The following RFTN1 variants were observed in gnomAD, a reference collection of about 807,000 sequenced individuals.
The protein encoded by RFTN1 is raftlin, lipid raft linker 1, also known as raftlin.
A neutral mutation model predicts 46.5 loss-of-function variants in RFTN1; 26 were observed. The observed-to-expected ratio is 0.56, with a 90% confidence interval of 0.41 to 0.78. RFTN1 has a LOEUF of 0.78. RFTN1 is among the 30% of genes least tolerant of loss of function. The pLI is 0.00. For missense variants in RFTN1, 693 were observed against 718.7 expected, an observed-to-expected ratio of 0.96 and a Z score of 0.41; for synonymous variants, 261 against 284.2, an observed-to-expected ratio of 0.92 and a Z score of 0.82.
intron 3 of RFTN1, among the ~76,000 whole-genome samples, chr3:16,423,167 CAA>C (rs78850876): frequency 1.5e-5 from 2 of 136,176 alleles, no homozygotes; most frequent in African/African-American, 2.7e-5. Context: ...GACTCTGTCT[CAA>C]AAAAAAAAAA....
intron 7 of RFTN1, among the ~76,000 whole-genome samples, chr3:16,330,140 AC>A (rs2070164368): frequency 6.6e-6 from 1 of 152,170 alleles, no homozygotes; most frequent in African/African-American, 2.4e-5. Flanking sequence ...ACACAACAAA[AC>A]AACCCTGCTT....
chr3:16,430,071 T>G (rs1256121528), intron 3 of RFTN1, among the ~76,000 whole-genome samples: 2 of 152,224 alleles, frequency 1.3e-5, no homozygotes, highest in African/African-American at 4.8e-5. Context: ...TTGTTTTTAC[T>G]ACTTAAACTC....
At position 16,351,790 on chromosome 3, in the gene RFTN1, A is replaced by T. The variant is rs999323855; in HGVS notation, c.1146+6142T>A. ...GTTGTTTCTCAAAAAACTAAGTTGA[A>T]TTCCTTGAATAGACTCAGCAAAGAA... On this transcript the variant is annotated intron_variant, in intron 7 of 9. Transcript: ENST00000334133. The surrounding 1 kb of genome is among the most constrained non-coding windows in gnomAD (Gnocchi z 5.4). 3.9e-5 allele frequency among the ~76,000 whole-genome samples: 6 copies of T among 152,234 alleles called. No homozygotes were observed. Among genetic ancestry groups the T allele is most frequent in the African/African-American group, 1.4e-4 (6 of 41,460 alleles).
intron 4 of RFTN1, among the ~76,000 whole-genome samples, chr3:16,389,345 TA>T (rs1039711270): frequency 1.3e-5 from 2 of 152,294 alleles, no homozygotes; most frequent in Non-Finnish European, 2.9e-5. Flanking sequence ...TACAGTGTGC[TA>T]AAAAAATGAA....
chr3:16,485,249 C>T (rs1277611571), intron 2 of RFTN1, among the ~76,000 whole-genome samples: 3 of 152,044 alleles, frequency 2.0e-5, no homozygotes, highest in Non-Finnish European at 2.9e-5. Context: ...AATTGTGGCA[C>T]ATGCAAACAA....
chr3:16,469,443 A>G (rs2076156098), intron 2 of RFTN1, among the ~76,000 whole-genome samples: 1 of 152,220 alleles, frequency 6.6e-6, no homozygotes, highest in African/African-American at 2.4e-5. Flanking sequence ...ATGCTTATCC[A>G]GGCTGGACAA....
At chr3:16,372,833 T>C (rs1470441774) in intron 5 of RFTN1, among the ~76,000 whole-genome samples, 2 of 152,204 alleles carry the variant, frequency 1.3e-5, no homozygotes, top group South Asian at 4.2e-4. Context: ...GAGACAGAAA[T>C]AAATTTCTCA....
At chr3:16,493,573 G>A (rs2076576558) in intron 2 of RFTN1, 152 bp downstream of exon 2, 2 of 699,924 alleles carry the variant, frequency 2.9e-6, no homozygotes, top group African/African-American at 3.6e-5. Flanking sequence ...TAAAAATCTG[G>A]ATCTCTGTAA....
At position 16,424,735 on chromosome 3, in the gene RFTN1, A is replaced by G. The variant is rs1575270725; in HGVS notation, c.332+9116T>C. Among the ~76,000 whole-genome samples, 2 of 152,236 alleles carry G rather than the reference A, an allele frequency of 1.3e-5. No homozygotes were observed. Among genetic ancestry groups the G allele is most frequent in the Admixed American group, 6.5e-5 (1 of 15,286 alleles). On this transcript the variant is annotated intron_variant, in intron 3 of 9. Coordinates refer to ENST00000334133, the MANE Select transcript of RFTN1 (RefSeq NM_015150.2). This position sits in a 1 kb window ranked among gnomAD's most constrained non-coding sequence, Gnocchi z 4.7. ...GTTCCATCTTTCAATCATTTAAAAT[A>G]TAAAATTTGGACAGATTTTAGAGAC... is the stretch of plus-strand genomic sequence containing the variant.
At chr3:16,461,020 C>A (rs766138225) in intron 2 of RFTN1, among the ~76,000 whole-genome samples, 1 of 152,244 alleles carries the variant, frequency 6.6e-6, no homozygotes, top group Non-Finnish European at 1.5e-5. Flanking sequence ...GCCACAGAGG[C>A]CCTCGGGCAG....
intron 2 of RFTN1, chr3:16,472,536 G>T (rs1432655803): frequency 6.6e-6 from 1 of 152,290 alleles, no homozygotes; most frequent in Non-Finnish European, 1.5e-5. Context: ...AGCCCAAAGG[G>T]GTGCAGGAAC....
rs541684842 is a variant in RFTN1 at position 16,421,001 on chromosome 3, T to G, written c.333-11518A>C. Among the ~76,000 whole-genome samples, 5 of 152,312 alleles carry G rather than the reference T, an allele frequency of 3.3e-5. No individual in the cohort carries two copies. Among genetic ancestry groups the G allele is most frequent in the Non-Finnish European group, 5.9e-5 (4 of 68,022 alleles). On this transcript the variant is annotated intron_variant, in intron 3 of 9. Coordinates refer to ENST00000334133, the MANE Select transcript of RFTN1 (RefSeq NM_015150.2). The surrounding 1 kb of genome is among the most constrained non-coding windows in gnomAD (Gnocchi z 4.6). Reference sequence around the variant, plus strand: ...CTGCTTCAGGAACCACCAGTTCCAGTGTGTCTCAAATGCTGAGTGGATCAA... The same window carrying G: ...CTGCTTCAGGAACCACCAGTTCCAGGGTGTCTCAAATGCTGAGTGGATCAA...
In RFTN1 at chr3:16,317,037, C is replaced by G; in HGVS notation, c.1528G>C (p.Gly510Arg). The G allele has an allele frequency of 6.2e-7, 1 of 1,613,796 alleles. No individual in the cohort carries two copies. The highest frequency in any genetic ancestry group is 8.5e-7 in the Non-Finnish European group (1 of 1,179,952). The change falls in exon 10 of 10, where the codon GGC (glycine) becomes CGC (arginine). Residue 510 changes from glycine to arginine, a missense_variant. Coordinates refer to ENST00000334133, the MANE Select transcript of RFTN1 (RefSeq NM_015150.2). The surrounding 1 kb of genome is among the most constrained non-coding windows in gnomAD (Gnocchi z 4.3). ...QEGGVSEEMK[G>R]PVQEDKGEQL... ...TCTCCCTTGTCCTCTTGGACAGGGC[C>G]CTTCATCTCCTCGGAGACTCCACCC...
chr3:16,406,590 G>A (rs114823297), intron 4 of RFTN1, among the ~76,000 whole-genome samples: 1 of 152,188 alleles, frequency 6.6e-6, no homozygotes, highest in Non-Finnish European at 1.5e-5. Context: ...GTGTATGACA[G>A]GAACAGGATG....
intron 4 of RFTN1, among the ~76,000 whole-genome samples, chr3:16,397,398 A>G (rs574327449): frequency 4.6e-5 from 7 of 152,246 alleles, no homozygotes; most frequent in Non-Finnish European, 1.0e-4. Context: ...GATATGCAGG[A>G]TGAATAAGTC....
In RFTN1 at chr3:16,322,797, A is replaced by G. The variant is rs758358964; in HGVS notation, c.1332+579T>C. 6.6e-6 allele frequency among the ~76,000 whole-genome samples: 1 copy of G among 151,970 alleles called. No homozygotes were observed. The stretch of plus-strand genomic sequence containing the variant: ...GGTAGTTCAGAGTCCGGAGAGGGGG[A>G]AAAGGGCCCTGGGGATCTCTTGAGG... On this transcript the variant is annotated intron_variant, in intron 9 of 9. Transcript: ENST00000334133. The surrounding 1 kb of genome is among the most constrained non-coding windows in gnomAD (Gnocchi z 6.2).
intron 2 of RFTN1, among the ~76,000 whole-genome samples, chr3:16,470,743 A>G (rs921461859): frequency 6.6e-6 from 1 of 152,232 alleles, no homozygotes; most frequent in African/African-American, 2.4e-5. Flanking sequence ...ATCAACAGTC[A>G]TCAGAAGAAT....
intron 1 of RFTN1, 147 bp from the exon 2 acceptor site, chr3:16,494,024 G>C (rs1220586259): frequency 1.2e-6 from 1 of 866,340 alleles, no homozygotes; most frequent in African/African-American, 1.7e-5. Context: ...TTTAATATAG[G>C]ACCTGAACAC....
In RFTN1 at chr3:16,434,406, A is replaced by C. The variant is rs185505167; in HGVS notation, c.146-369T>G. Among the ~76,000 whole-genome samples, 1,141 of 149,924 alleles carry C rather than the reference A, an allele frequency of 7.6e-3. 35 individuals are homozygous for C. Among genetic ancestry groups the C allele is most frequent in the Admixed American group, 0.054 (810 of 15,096 alleles). On this transcript the variant is annotated intron_variant, in intron 2 of 9. Coordinates refer to ENST00000334133, the MANE Select transcript of RFTN1 (RefSeq NM_015150.2). Reference sequence around the variant, plus strand: ...CAAACAAACAAACAAAAACAAAAAAACCCCCTCAAAATTAGCCAGTGCTTG... The same window carrying C: ...CAAACAAACAAACAAAAACAAAAAACCCCCCTCAAAATTAGCCAGTGCTTG...
Sources: gnomAD v4.1 joint callset for allele counts (sites outside exome capture counted in the v4.1 genomes callset) on GRCh38, gnomAD v4.1.1 for gene constraint, Gnocchi (gnomAD v3.1) non-coding constraint, MANE v1.5 for transcripts, NCBI Gene and HGNC (gene_info 2026-07-23, HGNC 2026-07-21) for gene names.